CAPN15: variants seen among roughly 807,000 people sequenced by gnomAD.
CAPN15 encodes calpain 15.
A neutral mutation model predicts 97.9 loss-of-function variants in CAPN15; 53 were observed. That is an observed-to-expected ratio of 0.54 (90% CI 0.43 to 0.68). CAPN15 has a LOEUF of 0.68. Among genes scored for constraint, CAPN15 ranks in the 30% least tolerant of loss-of-function variants. CAPN15 has a pLI of 0.00. For missense variants in CAPN15, 1,592 were observed against 1,589.8 expected (o/e 1.00, Z -0.02); for synonymous variants, 922 against 722.5 (o/e 1.28, Z -4.43).
At chr16:531,406 T>TA (rs1296925889) in intron 1 of CAPN15, among the ~76,000 whole-genome samples, 5 of 152,088 alleles carry the variant, frequency 3.3e-5, no homozygotes, top group Non-Finnish European at 7.4e-5. Flanking sequence ...TTGAACCTCT[T>TA]ACACCTTCTG....
intron 1 of CAPN15, among the ~76,000 whole-genome samples, chr16:530,246 T>C (rs2033155622): frequency 6.6e-6 from 1 of 152,190 alleles, no homozygotes; most frequent in Non-Finnish European, 1.5e-5. Context: ...GACCGCCCTG[T>C]CTCCCTGCTG....
chr16:544,720 G>GTCGTCT (rs1178229759), intron 3 of CAPN15, among the ~76,000 whole-genome samples: 7 of 91,182 alleles, frequency 7.7e-5, no homozygotes, highest in Non-Finnish European at 1.1e-4. Context: ...CCCCCACGTC[G>GTCGTCT]CCTCCCCCAC....
At position 554,523 on chromosome 16, in the gene CAPN15, G is replaced by A. The variant is rs2035312512; in HGVS notation, c.*1007G>A. ...AACCCTGTAAATACGGCCAGCTCTT[G>A]TGACACAGAGACTATTTTATCAATT... On this transcript the variant is annotated 3_prime_UTR_variant, in exon 14 of 14. Coordinates refer to ENST00000219611, the MANE Select transcript of CAPN15 (RefSeq NM_005632.3). 1 of 456,048 alleles carries A rather than the reference G, an allele frequency of 2.2e-6. No homozygotes were observed. Among genetic ancestry groups the A allele is most frequent in the East Asian group, 6.9e-5 (1 of 14,412 alleles). 28.3% of individuals were successfully genotyped at this position (456,048 alleles called of 1,614,324 possible).
chr16:528,307 TG>T (rs957809299), intron 1 of CAPN15, among the ~76,000 whole-genome samples: 1 of 151,712 alleles, frequency 6.6e-6, no homozygotes, highest in Non-Finnish European at 1.5e-5. Flanking sequence ...ACCTGGGCCA[TG>T]TGGGTCACTT....
At position 548,263 on chromosome 16, in the gene CAPN15, G is replaced by A. The variant is rs2034741081; in HGVS notation, c.1425G>A (p.Glu475=). 7 of 1,531,868 alleles carry A rather than the reference G, an allele frequency of 4.6e-6. No homozygotes were observed. Among genetic ancestry groups the A allele is most frequent in the Non-Finnish European group, 6.1e-6 (7 of 1,140,858 alleles). 94.9% of individuals were successfully genotyped at this position (1,531,868 alleles called of 1,614,324 possible). A position where few individuals can be genotyped will look rare whatever the true frequency, so the allele number is the denominator to read the frequency against. The part of the protein sequence containing the change: ...TDEGEAKALW[E]NIVAFCRENN... ...AGGGCGAGGCCAAGGCACTCTGGGA[G>A]AACATCGTGGCCTTCTGCCGGGAGG... The change falls in exon 4 of 14, where the codon GAG becomes GAA. Residue 475 remains glutamate (E), a synonymous_variant. Transcript: ENST00000219611.
chr16:553,492 T>A lies in CAPN15; in HGVS notation c.3237T>A (p.Gly1079=). The change falls in exon 14 of 14, where the codon GGT becomes GGA. Residue 1079 remains glycine, a synonymous_variant. Coordinates refer to ENST00000219611, the MANE Select transcript of CAPN15 (RefSeq NM_005632.3). ...CCCCACTCACGCCAGAGGTCGCCGG[T>A]CTGCATGGGCCCCGACCGCTGTGAC... ...HSPPLTPEVA[G]LHGPRPL is the part of the protein sequence containing the mutation. 3 of 1,608,410 alleles carry A rather than the reference T, an allele frequency of 1.9e-6. No individual in the cohort carries two copies. Among genetic ancestry groups the A allele is most frequent in the South Asian group, 2.2e-5 (2 of 90,742 alleles).
At position 554,304 on chromosome 16, in the gene CAPN15, C is replaced by G. The variant is rs912770595; in HGVS notation, c.*788C>G. 1 of 353,746 alleles carries G rather than the reference C, an allele frequency of 2.8e-6. No homozygotes were observed. The highest frequency in any genetic ancestry group is 7.4e-5 in the East Asian group (1 of 13,524). 21.9% of individuals were successfully genotyped at this position (353,746 alleles called of 1,614,324 possible). On this transcript the variant is annotated 3_prime_UTR_variant, in exon 14 of 14. Coordinates refer to ENST00000219611, the MANE Select transcript of CAPN15 (RefSeq NM_005632.3). ...CAGGGCTCAGCCGCTCCCACCTCCC[C>G]ACAGAAGCCCAGGAGTGTGTGGACG...
intron 3 of CAPN15, among the ~76,000 whole-genome samples, chr16:542,911 C>G (rs532707747): frequency 6.6e-6 from 1 of 152,126 alleles, no homozygotes; most frequent in South Asian, 2.1e-4. Context: ...ATTAGCTGGG[C>G]GTGGTGACGG....
At chr16:544,453 G>A (rs2283786) in intron 3 of CAPN15, among the ~76,000 whole-genome samples, 2,801 of 152,130 alleles carry the variant, frequency 0.018, 48 homozygotes, top group African/African-American at 0.025. Flanking sequence ...CCAGGACTGG[G>A]GCTGCGCCAG....
In CAPN15 at chr16:552,444, T is replaced by C. The variant is rs763418912; in HGVS notation, c.2651T>C (p.Val884Ala). The C allele has an allele frequency of 1.9e-6, 3 of 1,610,226 alleles. No homozygotes were observed. The highest frequency in any genetic ancestry group is 1.7e-5 in the Admixed American group (1 of 59,984). ...RAVKKFVSCD[V>A]MLEPGEYAVV... ...GTCAAGAAGTTCGTCAGCTGCGACG[T>C]CATGCTGGAGCCTGGCGAGTACGCT... The change falls in exon 11 of 14, where the codon GTC becomes GCC. Residue 884 changes from valine (V) to alanine (A), a missense_variant. Val to Ala is a moderately conservative substitution (Grantham distance 64). Transcript: ENST00000219611. This position sits in a 1 kb window ranked among gnomAD's most constrained non-coding sequence, Gnocchi z 6.4.
In CAPN15 at chr16:536,049, C is replaced by T; in HGVS notation, c.-116C>T. On this transcript the variant is annotated 5_prime_UTR_variant, in exon 3 of 14. Coordinates refer to ENST00000219611, the MANE Select transcript of CAPN15 (RefSeq NM_005632.3). ...TTCAGACAGGGAGCCAGGATGGGAA[C>T]CACGGACTGACCTGACCTGCGTCCT... 1 of 911,248 alleles carries T rather than the reference C, an allele frequency of 1.1e-6. No individual in the cohort carries two copies. The highest frequency in any genetic ancestry group is 1.3e-6 in the Non-Finnish European group (1 of 776,264). The allele number at this position is 911,248 out of a possible 1,614,324, so 56.4% of individuals were successfully genotyped here.
rs929996006 is a variant in CAPN15 at position 537,220 on chromosome 16, G to T, written c.-23+1078G>T. The T allele has an allele frequency of 3.1e-5, 31 of 985,398 alleles. No homozygotes were observed. In the African/African-American group the frequency reaches 4.7e-4, roughly 15 times the overall value. 61.0% of individuals were successfully genotyped at this position (985,398 alleles called of 1,614,324 possible). A position where few individuals can be genotyped will look rare whatever the true frequency, so the allele number is the denominator to read the frequency against. ...ACAGGCCTCCCTCCTGTCCAGATGG[G>T]GCCCACAGGGTCAGTTGCCTGAGAC... On this transcript the variant is annotated intron_variant, in intron 3 of 13. Transcript: ENST00000219611.
Position 553,593 on chromosome 16 carries a change from A to C in CAPN15, c.*77A>C. The C allele has an allele frequency of 1.1e-6, 1 of 899,358 alleles. No homozygotes were observed. Among genetic ancestry groups the C allele is most frequent in the Non-Finnish European group, 1.6e-6 (1 of 617,330 alleles). 55.7% of individuals were successfully genotyped at this position (899,358 alleles called of 1,614,324 possible). A position where few individuals can be genotyped will look rare whatever the true frequency, so the allele number is the denominator to read the frequency against. On this transcript the variant is annotated 3_prime_UTR_variant, in exon 14 of 14. Coordinates refer to ENST00000219611, the MANE Select transcript of CAPN15 (RefSeq NM_005632.3). ...CGCACTTTATGAGGGAGACCCCGAC[A>C]GAGGACGCTTGAGCCAGAATCTCAG...
rs902925081 is a variant in CAPN15, at chr16:535,047, C to T, written c.-136-982C>T. On this transcript the variant is annotated intron_variant, in intron 2 of 13. Coordinates refer to ENST00000219611, the MANE Select transcript of CAPN15 (RefSeq NM_005632.3). This position sits in a 1 kb window ranked among gnomAD's most constrained non-coding sequence, Gnocchi z 6.2. ...GCGGAGTGGACACAGCTGTGGGTGC[C>T]GCCCGCGCAAGGCTGGGGGTCGCTG... is the stretch of plus-strand genomic sequence containing the variant. 2.0e-5 allele frequency among the ~76,000 whole-genome samples: 3 copies of T among 152,098 alleles called. No individual in the cohort carries two copies. Among genetic ancestry groups the T allele is most frequent in the Non-Finnish European group, 2.9e-5 (2 of 68,008 alleles).
At position 547,269 on chromosome 16, in the gene CAPN15, G is replaced by T. The variant is rs1191853482; in HGVS notation, c.431G>T (p.Arg144Ile). The change falls in exon 4 of 14, where the codon AGA becomes ATA. Residue 144 changes from arginine to isoleucine, a missense_variant. This residue lies in a region of CAPN15 where 883 missense variants were observed against 776.6 expected (regional missense o/e 1.14). Transcript: ENST00000219611. ...GAGGAGGAGGGAGCGGCGGAGCCCA[G>T]AGGGGGCTGGGCGTGTCCGCGTTGC... ...QEEEEGAAEP[R>I]GGWACPRCTL... is the part of the protein sequence containing the mutation. 10 of 1,509,718 alleles carry T rather than the reference G, an allele frequency of 6.6e-6. No individual in the cohort carries two copies. The African/African-American group carries it at 1.2e-4, about 19-fold the overall frequency. 93.5% of individuals were successfully genotyped at this position (1,509,718 alleles called of 1,614,324 possible). A position where few individuals can be genotyped will look rare whatever the true frequency, so the allele number is the denominator to read the frequency against.
Position 553,558 on chromosome 16 carries a change from C to A in CAPN15, c.*42C>A, listed in dbSNP as rs776271287. The A allele has an allele frequency of 3.8e-6, 5 of 1,302,706 alleles. No homozygotes were observed. Among genetic ancestry groups the A allele is most frequent in the East Asian group, 2.4e-5 (1 of 41,234 alleles). 80.7% of individuals were successfully genotyped at this position (1,302,706 alleles called of 1,614,324 possible). ...AGGGGCTGTGCACAGACGGACCCCC[C>A]ACCCCCACACGCACTTTATGAGGGA... On this transcript the variant is annotated 3_prime_UTR_variant, in exon 14 of 14. Transcript: ENST00000219611.
chr16:529,151 G>T (rs1429288528), intron 1 of CAPN15, among the ~76,000 whole-genome samples: 1 of 151,918 alleles, frequency 6.6e-6, no homozygotes. Flanking sequence ...TCTTTTTCCT[G>T]CTTCTGTCTG....
intron 3 of CAPN15, among the ~76,000 whole-genome samples, chr16:542,564 G>A (rs991554073): frequency 1.8e-4 from 27 of 152,198 alleles, no homozygotes; most frequent in African/African-American, 4.8e-4. Flanking sequence ...TCATCCACCC[G>A]TGCCTGTCTT....
Position 547,650 on chromosome 16 carries a change from G to A in CAPN15, c.812G>A (p.Cys271Tyr), listed in dbSNP as rs1056114909. The stretch of plus-strand genomic sequence containing the variant: ...GCCCAGCCGTCACCCTCTGCCGGCT[G>A]CAGGGGAGCCCCCCAGGGCTCGGGC... ...EAAQPSPSAG[C>Y]RGAPQGSGWA... The change falls in exon 4 of 14, where the codon TGC becomes TAC. Residue 271 changes from cysteine to tyrosine, a missense_variant. Cys to Tyr is a radical substitution (Grantham distance 194, BLOSUM62 -2). Around this residue, in one of 3 missense-constraint regions of CAPN15, gnomAD observed 883 missense variants for 776.6 expected, o/e 1.14. Coordinates refer to ENST00000219611, the MANE Select transcript of CAPN15 (RefSeq NM_005632.3). The A allele has an allele frequency of 4.5e-6, 7 of 1,571,994 alleles. No individual in the cohort carries two copies. The highest frequency in any genetic ancestry group is 5.2e-6 in the Non-Finnish European group (6 of 1,159,332).
Sources: gnomAD v4.1 joint callset for allele counts (sites outside exome capture counted in the v4.1 genomes callset) on GRCh38, gnomAD v4.1.1 for gene constraint, gnomAD v4.1.1 regional missense constraint, Gnocchi (gnomAD v3.1) non-coding constraint, MANE v1.5 for transcripts, NCBI Gene and HGNC (gene_info 2026-07-23, HGNC 2026-07-21) for gene names.